Variants in PLD5 observed in about 807,000 individuals in gnomAD.
PLD5 encodes inactive phospholipase D5.
In PLD5, 36 loss-of-function variants were observed where a neutral mutation model predicts 61.1. The observed-to-expected ratio is 0.59, with a 90% CI of 0.45 to 0.78. The LOEUF is 0.78. PLD5 is among the 30% of genes least tolerant of loss of function. PLD5 has a pLI of 0.00. For synonymous variants in PLD5, 243 were observed against 242.8 expected (o/e 1.00, Z -0.01); for missense variants, 515 against 644.4 (o/e 0.80, Z 2.17).
chr1:242,453,438 T>C (rs1263545201), intron 1 of PLD5, among the ~76,000 whole-genome samples: 2 of 152,282 alleles, frequency 1.3e-5, no homozygotes, highest in Non-Finnish European at 2.9e-5. Flanking sequence ...TGTTTTCTTA[T>C]GAGCAAATGC....
chr1:242,230,368 A>T (rs1441809173), intron 4 of PLD5, among the ~76,000 whole-genome samples: 1 of 152,258 alleles, frequency 6.6e-6, no homozygotes, highest in Non-Finnish European at 1.5e-5. Flanking sequence ...AAAGGGAAAC[A>T]TAACACTATG....
At chr1:242,215,079 G>A (rs182555898) in intron 5 of PLD5, among the ~76,000 whole-genome samples, 331 of 147,610 alleles carry the variant, frequency 2.2e-3, no homozygotes, top group Non-Finnish European at 3.4e-3. Context: ...TAGTAGAGAC[G>A]GGGTTTCACC....
chr1:242,426,309 T>TAA lies in PLD5; in HGVS notation c.190-78069_190-78068dup, dbSNP rs56996310. On this transcript the variant is annotated intron_variant, in intron 1 of 9. Coordinates refer to ENST00000536534, the MANE Select transcript of PLD5 (RefSeq NM_001372062.1). ...GGACCTGCCTGAGACCGTTTCCAGT[T>TAA]AAAAAAAAAAAAAAAAAAAAAAGTT... Among the ~76,000 whole-genome samples the TAA allele has an allele frequency of 9.9e-3, 1,188 of 120,006 alleles. 13 individuals carry two copies. Among genetic ancestry groups the TAA allele is most frequent in the African/African-American group, 0.027 (849 of 31,440 alleles). 78.7% of individuals were successfully genotyped at this position (120,006 alleles called of 152,430 possible).
intron 1 of PLD5, among the ~76,000 whole-genome samples, chr1:242,490,505 T>A (rs1361031178): frequency 6.6e-6 from 1 of 152,230 alleles, no homozygotes; most frequent in East Asian, 1.9e-4. Flanking sequence ...TCGGTTTTGT[T>A]CAGTTACACA....
At position 242,358,195 on chromosome 1, in the gene PLD5, T is replaced by G. The variant is rs535308821; in HGVS notation, c.190-9953A>C. On this transcript the variant is annotated intron_variant, in intron 1 of 9. Coordinates refer to ENST00000536534, the MANE Select transcript of PLD5 (RefSeq NM_001372062.1). Reference sequence around the variant, plus strand: ...TATGTTTTTGAAGTTCACTTAACTTTGTTAAGAGGATTATTCTAAATTTTT... The same window carrying G: ...TATGTTTTTGAAGTTCACTTAACTTGGTTAAGAGGATTATTCTAAATTTTT... Among the ~76,000 whole-genome samples, 154 of 152,338 alleles carry G rather than the reference T, an allele frequency of 1.0e-3. 6 individuals carry two copies. In the South Asian group the frequency reaches 0.027, roughly 26 times the overall value.
intron 1 of PLD5, among the ~76,000 whole-genome samples, chr1:242,371,731 G>A (rs1661645834): frequency 6.6e-6 from 1 of 152,136 alleles, no homozygotes; most frequent in Admixed American, 6.5e-5. Flanking sequence ...TGATTACAAG[G>A]GGGCTACAGA....
At chr1:242,332,299 G>A (rs1659233864) in intron 2 of PLD5, among the ~76,000 whole-genome samples, 1 of 152,154 alleles carries the variant, frequency 6.6e-6, no homozygotes, top group African/African-American at 2.4e-5. Context: ...ATGGGCATGT[G>A]GGTTGGTTCC....
chr1:242,470,352 A>C (rs1667409514), intron 1 of PLD5, among the ~76,000 whole-genome samples: 1 of 134,954 alleles, frequency 7.4e-6, no homozygotes, highest in Non-Finnish European at 1.6e-5. Context: ...AAAGAAAAAA[A>C]AAAAAGAAAG....
At chr1:242,246,663 T>G (rs1464188442) in intron 4 of PLD5, among the ~76,000 whole-genome samples, 1 of 152,186 alleles carries the variant, frequency 6.6e-6, no homozygotes, top group Non-Finnish European at 1.5e-5. Flanking sequence ...TGCTTTTCAC[T>G]TAGCAACATA....
At chr1:242,130,718 C>T (rs1221359050) in intron 5 of PLD5, among the ~76,000 whole-genome samples, 1 of 152,196 alleles carries the variant, frequency 6.6e-6, no homozygotes, top group East Asian at 1.9e-4. Flanking sequence ...GACCACACGC[C>T]ACAGAGCATC....
chr1:242,167,807 C>T (rs889820510), intron 5 of PLD5, among the ~76,000 whole-genome samples: 6 of 152,146 alleles, frequency 3.9e-5, no homozygotes, highest in Admixed American at 1.3e-4. Flanking sequence ...TCGTGCATCA[C>T]GGCAGATGTA....
rs1245653151 is a variant in PLD5, at chr1:242,215,211, C to T, written c.735+4777G>A. On this transcript the variant is annotated intron_variant, in intron 5 of 9. Coordinates refer to ENST00000536534, the MANE Select transcript of PLD5 (RefSeq NM_001372062.1). Reference sequence around the variant, plus strand: ...CCTATACATCTTCTTTTAACTTTTGCATTTATATGATGGCCCACAAAAATT... The same window carrying T: ...CCTATACATCTTCTTTTAACTTTTGTATTTATATGATGGCCCACAAAAATT... Among the ~76,000 whole-genome samples, 107 of 151,482 alleles carry T rather than the reference C, an allele frequency of 7.1e-4. 2 individuals are homozygous for T. Among genetic ancestry groups the T allele is most frequent in the Admixed American group, 6.9e-3 (101 of 14,742 alleles).
chr1:242,295,575 C>T (rs1191098407), intron 2 of PLD5, among the ~76,000 whole-genome samples: 2 of 152,192 alleles, frequency 1.3e-5, no homozygotes, highest in Non-Finnish European at 2.9e-5. Flanking sequence ...CATGACTTTG[C>T]TATTGTGAAT....
intron 5 of PLD5, among the ~76,000 whole-genome samples, chr1:242,187,680 C>T (rs969609636): frequency 6.6e-6 from 1 of 152,024 alleles, no homozygotes. Flanking sequence ...CCTTTTCTTT[C>T]CTTTTTAGCC....
chr1:242,366,678 G>A (rs966599921), intron 1 of PLD5, among the ~76,000 whole-genome samples: 4 of 151,894 alleles, frequency 2.6e-5, no homozygotes, highest in Admixed American at 2.6e-4. Context: ...TGCTTTTCTG[G>A]TAATAAATTC....
At chr1:242,406,383 A>G (rs1371547309) in intron 1 of PLD5, among the ~76,000 whole-genome samples, 2 of 152,218 alleles carry the variant, frequency 1.3e-5, no homozygotes, top group Non-Finnish European at 2.9e-5. Context: ...GCATTTAGTG[A>G]GGCACTCAGA....
Position 242,207,768 on chromosome 1 carries a change from A to T in PLD5, c.735+12220T>A, listed in dbSNP as rs9659502. Among the ~76,000 whole-genome samples the T allele has an allele frequency of 4.4e-3, 378 of 85,230 alleles. 20 individuals are homozygous for T. The highest frequency in any genetic ancestry group is 0.012 in the Middle Eastern group (2 of 162). The allele number at this position is 85,230 out of a possible 152,430, so 55.9% of individuals were successfully genotyped here. ...TATATTTATATATATTTATATTTAT[A>T]TATATTTATATATATTTATATTTAT... On this transcript the variant is annotated intron_variant, in intron 5 of 9. Coordinates refer to ENST00000536534, the MANE Select transcript of PLD5 (RefSeq NM_001372062.1).
At chr1:242,253,062 G>A (rs1210050859) in intron 4 of PLD5, among the ~76,000 whole-genome samples, 1 of 149,250 alleles carries the variant, frequency 6.7e-6, no homozygotes, top group South Asian at 2.1e-4. Context: ...TGATCCGCTT[G>A]CCTTGGCCTC....
intron 1 of PLD5, among the ~76,000 whole-genome samples, chr1:242,479,924 G>A (rs999009913): frequency 4.4e-4 from 67 of 151,794 alleles, no homozygotes; most frequent in African/African-American, 1.5e-3. Context: ...GTTGGTGTGC[G>A]CCTGTAGTCC....
Sources: allele counts gnomAD v4.1 joint callset (sites outside exome capture counted in the v4.1 genomes callset), GRCh38; gene constraint gnomAD v4.1.1; transcripts MANE v1.5; gene names NCBI Gene and HGNC (gene_info 2026-07-23, HGNC 2026-07-21).